MICU1: variants seen among roughly 807,000 people sequenced by gnomAD.
MICU1 encodes calcium uptake protein 1, mitochondrial.
In MICU1, 45 loss-of-function variants were observed where a neutral mutation model predicts 56.8. That is an observed-to-expected ratio of 0.79 (90% CI 0.62 to 1.02). The LOEUF (loss-of-function observed/expected upper bound fraction) is 1.02. Ranked by LOEUF, MICU1 falls within the 50% of genes least tolerant of loss-of-function variation. The pLI is 0.00. For missense variants in MICU1, 504 were observed against 587.1 expected, an observed-to-expected ratio of 0.86 and a Z score of 1.46; for synonymous variants, 186 against 195.1, an observed-to-expected ratio of 0.95 and a Z score of 0.39.
chr10:72,502,161 T>TG (rs1867094342), intron 6 of MICU1, among the ~76,000 whole-genome samples: 4 of 144,900 alleles, frequency 2.8e-5, no homozygotes, highest in Admixed American at 6.9e-5. Flanking sequence ...TTTTTTTGTT[T>TG]TTTTTTTTTT....
intron 10 of MICU1, among the ~76,000 whole-genome samples, chr10:72,400,673 G>T (rs1363274384): frequency 1.3e-5 from 2 of 152,068 alleles, no homozygotes; most frequent in African/African-American, 4.8e-5. Flanking sequence ...TTGAACCCAG[G>T]AGGTGGAGGT....
chr10:72,453,656 A>G (rs1865364781), intron 8 of MICU1, among the ~76,000 whole-genome samples: 2 of 151,474 alleles, frequency 1.3e-5, no homozygotes, highest in African/African-American at 2.4e-5. Flanking sequence ...CAGCCTCCCA[A>G]GTAGCTGGGA....
In MICU1 at chr10:72,406,834, C is replaced by T. The variant is rs182830833; in HGVS notation, c.1180+1095G>A. Among the ~76,000 whole-genome samples the T allele has an allele frequency of 4.4e-3, 672 of 152,214 alleles. 3 individuals carry two copies. The highest frequency in any genetic ancestry group is 6.2e-3 in the Non-Finnish European group (420 of 68,018). On this transcript the variant is annotated intron_variant, in intron 10 of 11. Transcript: ENST00000361114. Reference sequence around the variant, plus strand: ...TAGAGATGGAGTTTCGCCATGTTGACCAGGCTGGTCTCAAACTCCTGACCT... The same window carrying T: ...TAGAGATGGAGTTTCGCCATGTTGATCAGGCTGGTCTCAAACTCCTGACCT...
intron 10 of MICU1, among the ~76,000 whole-genome samples, chr10:72,383,685 T>TG (rs1862795546): frequency 6.6e-6 from 1 of 152,314 alleles, no homozygotes; most frequent in Non-Finnish European, 1.5e-5. Flanking sequence ...TTGTGGTCTG[T>TG]GGGGGTCAGC....
At chr10:72,617,547 T>G (rs1842011441) in intron 1 of MICU1, among the ~76,000 whole-genome samples, 1 of 152,144 alleles carries the variant, frequency 6.6e-6, no homozygotes, top group South Asian at 2.1e-4. Flanking sequence ...ACACCTGTAA[T>G]GTAGAAACCC....
chr10:72,493,842 C>A (rs1866748064), intron 6 of MICU1, among the ~76,000 whole-genome samples: 1 of 152,078 alleles, frequency 6.6e-6, no homozygotes, highest in African/African-American at 2.4e-5. Context: ...AAAGGAATTG[C>A]TGGACCAAAA....
At chr10:72,569,515 G>A (rs1311972563) in intron 1 of MICU1, among the ~76,000 whole-genome samples, 3 of 151,678 alleles carry the variant, frequency 2.0e-5, no homozygotes, top group African/African-American at 4.8e-5. Flanking sequence ...GATTACAGGC[G>A]TGAGCCACCA....
At chr10:72,596,964 T>C (rs192879856) in intron 1 of MICU1, among the ~76,000 whole-genome samples, 177 of 151,796 alleles carry the variant, frequency 1.2e-3, no homozygotes, top group Non-Finnish European at 2.1e-3. Flanking sequence ...AATGTTTCAA[T>C]ATTGGCTCAT....
chr10:72,482,783 CT>C (rs1866342155), intron 6 of MICU1, among the ~76,000 whole-genome samples: 1 of 151,004 alleles, frequency 6.6e-6, no homozygotes. Context: ...TAGCCCTCGT[CT>C]GGGGGGTACT....
intron 1 of MICU1, among the ~76,000 whole-genome samples, chr10:72,593,699 G>A (rs904591719): frequency 3.6e-4 from 54 of 152,084 alleles, no homozygotes; most frequent in African/African-American, 1.2e-3. Context: ...AAGTCAATAT[G>A]CAAAACTGAA....
chr10:72,529,425 T>C (rs886916262), intron 5 of MICU1, among the ~76,000 whole-genome samples: 12 of 152,244 alleles, frequency 7.9e-5, no homozygotes, highest in African/African-American at 2.9e-4. Context: ...TGCTTGAAAA[T>C]AGTGTATAAA....
At chr10:72,609,265 A>C (rs561017734) in intron 1 of MICU1, among the ~76,000 whole-genome samples, 10 of 152,332 alleles carry the variant, frequency 6.6e-5, no homozygotes, top group African/African-American at 2.4e-4. Flanking sequence ...CTGTTTGAGA[A>C]GATGACAAAG....
intron 8 of MICU1, among the ~76,000 whole-genome samples, chr10:72,448,193 A>T (rs10604325): frequency 0.049 from 1,832 of 37,074 alleles, 156 homozygotes; most frequent in South Asian, 0.061. Context: ...ATATATATAT[A>T]TTTTTTTTTT....
chr10:72,391,391 C>T (rs2132067002), intron 10 of MICU1, among the ~76,000 whole-genome samples: 1 of 151,986 alleles, frequency 6.6e-6, no homozygotes, highest in South Asian at 2.1e-4. Context: ...GAGATCATGC[C>T]ACTGCACTCC....
chr10:72,400,111 A>G (rs999437405), intron 10 of MICU1, among the ~76,000 whole-genome samples: 11 of 152,240 alleles, frequency 7.2e-5, no homozygotes, highest in Admixed American at 3.9e-4. Flanking sequence ...TCAAAGCCAC[A>G]TGTATTTTTG....
chr10:72,419,602 A>T (rs915810017), intron 9 of MICU1, among the ~76,000 whole-genome samples: 22 of 152,236 alleles, frequency 1.4e-4, no homozygotes, highest in Admixed American at 1.2e-3. Flanking sequence ...CTATGCATGC[A>T]ACATTTCTTG....
chr10:72,531,803 A>G (rs940906718), intron 5 of MICU1: 1 of 152,032 alleles, frequency 6.6e-6, no homozygotes, highest in African/African-American at 2.4e-5. Flanking sequence ...CAAGCGAAAG[A>G]CTTCATACAT....
chr10:72,529,266 A>G (rs765876300), intron 5 of MICU1, among the ~76,000 whole-genome samples: 2 of 152,196 alleles, frequency 1.3e-5, no homozygotes, highest in Non-Finnish European at 2.9e-5. Flanking sequence ...GAAAAACTCA[A>G]TTCAGAGGCA....
intron 5 of MICU1, among the ~76,000 whole-genome samples, chr10:72,514,149 A>G (rs576777842): frequency 9.9e-5 from 15 of 151,950 alleles, no homozygotes; most frequent in Non-Finnish European, 1.6e-4. Context: ...CAATTTTTCA[A>G]CTCAGCTCTT....
Sources: gnomAD v4.1 joint callset for allele counts (sites outside exome capture counted in the v4.1 genomes callset) on GRCh38, gnomAD v4.1.1 for gene constraint, MANE v1.5 for transcripts, NCBI Gene and HGNC (gene_info 2026-07-23, HGNC 2026-07-21) for gene names.